The following ITGB6 variants were observed in gnomAD, a reference collection of about 807,000 sequenced individuals.
ITGB6 encodes the protein integrin beta-6.
In ITGB6, 80 loss-of-function variants were observed where a neutral mutation model predicts 84.5. The ratio of observed to expected loss-of-function variants is 0.95; its 90% CI spans 0.79 to 1.14. ITGB6 has a LOEUF of 1.14. Ranked by LOEUF, ITGB6 falls within the 50% of genes most tolerant of loss-of-function variation. The probability of loss-of-function intolerance (pLI) is 0.00; values close to 1 mark genes in which losing one functional copy is unlikely to be tolerated. For synonymous variants in ITGB6, 383 were observed against 354.9 expected, an observed-to-expected ratio of 1.08 and a Z score of -0.89; for missense variants, 1,006 against 968.0, an observed-to-expected ratio of 1.04 and a Z score of -0.52.
chr2:160,125,873 G>A (rs1683217764), intron 11 of ITGB6, among the ~76,000 whole-genome samples: 1 of 152,118 alleles, frequency 6.6e-6, no homozygotes, highest in South Asian at 2.1e-4. Flanking sequence ...GAGCATGGGT[G>A]GTAAAGAAGC....
At chr2:160,109,140 G>A (rs1025498735) in intron 13 of ITGB6, among the ~76,000 whole-genome samples, 1 of 152,186 alleles carries the variant, frequency 6.6e-6, no homozygotes, top group Non-Finnish European at 1.5e-5. Flanking sequence ...GAGTTGATGT[G>A]AATCTGAGTG....
At chr2:160,110,345 A>G (rs941083457) in intron 13 of ITGB6, among the ~76,000 whole-genome samples, 5 of 152,238 alleles carry the variant, frequency 3.3e-5, no homozygotes, top group Non-Finnish European at 7.3e-5. Flanking sequence ...TGTAAAATAT[A>G]TAAAACAACA....
intron 10 of ITGB6, among the ~76,000 whole-genome samples, chr2:160,129,513 A>G (rs2105805826): frequency 6.6e-6 from 1 of 152,282 alleles, no homozygotes; most frequent in East Asian, 1.9e-4. Context: ...TACCTGGCCC[A>G]TAAATAAGCA....
Position 160,137,755 on chromosome 2 carries a change from G to A in ITGB6, c.1339C>T (p.Leu447Phe). ...TCGCAGTTGCATTCTGGGCTGACAAGTAATTCCAGGGCATCCCCCAGCCCC... is the reference window on the plus strand; with the variant it reads ...TCGCAGTTGCATTCTGGGCTGACAAATAATTCCAGGGCATCCCCCAGCCCC... ...PVGLGDALEL[L>F]VSPECNCDCQ... Residue 447 changes from leucine to phenylalanine, a missense_variant, in exon 10 of 15, where the codon CTT becomes TTT. Leu to Phe is a conservative substitution (Grantham distance 22). Coordinates refer to ENST00000283249, the MANE Select transcript of ITGB6 (RefSeq NM_000888.5). 1 of 1,614,194 alleles carries A rather than the reference G, an allele frequency of 6.2e-7. No individual in the cohort carries two copies. The highest frequency in any genetic ancestry group is 8.5e-7 in the Non-Finnish European group (1 of 1,180,024).
At chr2:160,141,097 C>A (rs1242046700) in intron 8 of ITGB6, among the ~76,000 whole-genome samples, 3 of 151,710 alleles carry the variant, frequency 2.0e-5, no homozygotes, top group Non-Finnish European at 2.9e-5. Flanking sequence ...TTTAAAACAT[C>A]AAAAATCAGG....
At chr2:160,175,721 A>T (rs1446620776) in intron 4 of ITGB6, among the ~76,000 whole-genome samples, 1 of 152,222 alleles carries the variant, frequency 6.6e-6, no homozygotes, top group Non-Finnish European at 1.5e-5. Flanking sequence ...CTGGAGTTCA[A>T]TGTTTATAAT....
At chr2:160,181,130 C>G (rs530832645) in intron 4 of ITGB6, among the ~76,000 whole-genome samples, 1 of 152,052 alleles carries the variant, frequency 6.6e-6, no homozygotes, top group African/African-American at 2.4e-5. Flanking sequence ...GGAATTCCAG[C>G]GAGACAGAAC....
At position 160,123,840 on chromosome 2, in the gene ITGB6, T is replaced by C; in HGVS notation, c.1932A>G (p.Glu644=). 6.2e-7 allele frequency: 1 copy of C among 1,614,082 alleles called. No homozygotes were observed. Among genetic ancestry groups the C allele is most frequent in the African/African-American group, 1.3e-5 (1 of 75,060 alleles). The change falls in exon 12 of 15, where the codon GAA becomes GAG. Residue 644 remains glutamate, a synonymous_variant. Transcript: ENST00000283249. The stretch of plus-strand genomic sequence containing the variant: ...CAGCTAGTTTGCACTTGTCCACACA[T>C]TCTTCTCGGGCTTGGCCAGCTGCTG... ...HLSAAGQARE[E]CVDKCKLAGA...
chr2:160,180,720 T>A (rs1685631119), intron 4 of ITGB6, among the ~76,000 whole-genome samples: 1 of 152,150 alleles, frequency 6.6e-6, no homozygotes, highest in Non-Finnish European at 1.5e-5. Context: ...TAGGAACAGC[T>A]CCAGTATGCA....
intron 11 of ITGB6, 145 bp downstream of exon 11, chr2:160,126,234 C>A (rs190637119): frequency 3.0e-6 from 2 of 673,686 alleles, no homozygotes; most frequent in Admixed American, 5.0e-5. Context: ...ATCACAGAGG[C>A]CCTGTGGGTT....
intron 7 of ITGB6, among the ~76,000 whole-genome samples, chr2:160,164,524 C>T (rs534362136): frequency 2.1e-4 from 32 of 152,072 alleles, no homozygotes; most frequent in South Asian, 2.1e-3. Flanking sequence ...GGCGAAACCC[C>T]GTCTCTACTA....
chr2:160,136,138 TTTTTGCAA>T (rs1683703779), intron 10 of ITGB6, among the ~76,000 whole-genome samples: 1 of 151,782 alleles, frequency 6.6e-6, no homozygotes, highest in Non-Finnish European at 1.5e-5. Flanking sequence ...TGGGAGAAAA[TTTTTGCAA>T]TCTACTCATC....
intron 7 of ITGB6, among the ~76,000 whole-genome samples, chr2:160,156,556 C>T (rs2925764): frequency 0.97 from 146,958 of 152,204 alleles, 71,104 homozygotes; most frequent in East Asian, 1. Flanking sequence ...ACCCTCAGTT[C>T]AGACAAAGCT....
chr2:160,155,046 C>A (rs1031919774), intron 7 of ITGB6, among the ~76,000 whole-genome samples: 1 of 152,190 alleles, frequency 6.6e-6, no homozygotes, highest in African/African-American at 2.4e-5. Context: ...TCTCTTCCTC[C>A]TTCTCCGCGC....
intron 8 of ITGB6, among the ~76,000 whole-genome samples, chr2:160,140,922 T>C (rs1193576117): frequency 6.6e-6 from 1 of 152,164 alleles, no homozygotes; most frequent in Non-Finnish European, 1.5e-5. Context: ...CCAAAATATG[T>C]AGCTCTCATT....
chr2:160,123,894 G>T lies in ITGB6; in HGVS notation c.1884-6C>A. On this transcript the variant is annotated splice_region_variant and splice_polypyrimidine_tract_variant and intron_variant, in intron 11 of 14. Transcript: ENST00000283249. ...GGTGGCACTCAATGCAGCTCCTGTG[G>T]ACAGTATCCAACAGTGTATCAGTTC... The T allele has an allele frequency of 6.2e-7, 1 of 1,607,004 alleles. No homozygotes were observed. The highest frequency in any genetic ancestry group is 1.3e-5 in the African/African-American group (1 of 74,924).
intron 14 of ITGB6, among the ~76,000 whole-genome samples, chr2:160,106,025 C>T (rs1316814734): frequency 6.6e-6 from 1 of 152,206 alleles, no homozygotes; most frequent in Non-Finnish European, 1.5e-5. Context: ...CCTGCTTCAA[C>T]TATCCCTCCA....
chr2:160,149,438 C>T (rs1231072141), intron 7 of ITGB6, among the ~76,000 whole-genome samples: 1 of 152,174 alleles, frequency 6.6e-6, no homozygotes, highest in Non-Finnish European at 1.5e-5. Context: ...TACACCAAAA[C>T]CCCATCTGTA....
chr2:160,132,750 T>C, intron 10 of ITGB6, among the ~76,000 whole-genome samples: 1 of 152,296 alleles, frequency 6.6e-6, no homozygotes, highest in Middle Eastern at 3.4e-3. Flanking sequence ...AAAAGAATGA[T>C]TTTACAATAG....
Sources: allele counts gnomAD v4.1 joint callset (sites outside exome capture counted in the v4.1 genomes callset), GRCh38; gene constraint gnomAD v4.1.1; transcripts MANE v1.5; gene names NCBI Gene and HGNC (gene_info 2026-07-23, HGNC 2026-07-21).